The following CACNA1E variants were observed in gnomAD, a reference collection of about 807,000 sequenced individuals.
The protein encoded by CACNA1E is calcium voltage-gated channel subunit alpha1 E, also known as voltage-dependent R-type calcium channel subunit alpha-1E.
CACNA1E carries 40 observed loss-of-function variants against 259.2 expected under a neutral mutation model. The ratio of observed to expected loss-of-function variants is 0.15; its 90% CI spans 0.12 to 0.20. The LOEUF is 0.20. Ranked by LOEUF, CACNA1E falls within the 10% of genes least tolerant of loss-of-function variation. The probability of loss-of-function intolerance (pLI) is 1.00; values close to 1 mark genes in which losing one functional copy is unlikely to be tolerated. For missense variants in CACNA1E, 1,874 were observed against 3,040.1 expected (o/e 0.62, Z 9.02); for synonymous variants, 1,104 against 1,138.5 (o/e 0.97, Z 0.61).
chr1:181,430,901 C>G (rs184947696), intron 2 of CACNA1E, among the ~76,000 whole-genome samples: 4 of 152,298 alleles, frequency 2.6e-5, no homozygotes, highest in Admixed American at 6.5e-5. Flanking sequence ...ACATAAGTTA[C>G]TTAGCCTTCC....
intron 6 of CACNA1E, among the ~76,000 whole-genome samples, chr1:181,601,593 G>C (rs780578934): frequency 6.6e-6 from 1 of 152,146 alleles, no homozygotes; most frequent in Non-Finnish European, 1.5e-5. Context: ...CTCATCAGTA[G>C]CTCCTTTGGC....
chr1:181,686,303 T>C (rs1481721685), intron 7 of CACNA1E, among the ~76,000 whole-genome samples: 2 of 93,106 alleles, frequency 2.1e-5, no homozygotes, highest in African/African-American at 3.8e-5. Flanking sequence ...TTTTTTTTTT[T>C]GAGATGGAGT....
At chr1:181,536,257 T>A (rs971635772) in intron 3 of CACNA1E, among the ~76,000 whole-genome samples, 1 of 152,202 alleles carries the variant, frequency 6.6e-6, no homozygotes, top group Admixed American at 6.5e-5. Context: ...TTTGTAGCAC[T>A]TGTTTTAAAT....
chr1:181,591,739 AACTT>A (rs1652672344), intron 6 of CACNA1E, among the ~76,000 whole-genome samples: 1 of 152,300 alleles, frequency 6.6e-6, no homozygotes, highest in Non-Finnish European at 1.5e-5. Flanking sequence ...TGACTTTGGC[AACTT>A]ACTTAATCTC....
intron 1 of CACNA1E, among the ~76,000 whole-genome samples, chr1:181,338,800 T>C (rs76190135): frequency 0.12 from 17,999 of 152,214 alleles, 1,124 homozygotes; most frequent in South Asian, 0.17. Context: ...TCAGGTCTTA[T>C]GTTTTGGTCT....
Position 181,375,746 on chromosome 1 carries a change from C to T in CACNA1E, c.-14-37387C>T, listed in dbSNP as rs142891576. Among the ~76,000 whole-genome samples, 12 of 152,268 alleles carry T rather than the reference C, an allele frequency of 7.9e-5. 1 individual carries two copies. The highest frequency in any genetic ancestry group is 1.9e-4 in the East Asian group (1 of 5,172). ...CAATGGAGCCCCCCTTCCCCTCCTC[C>T]GTGAGGGATTTACTTCTACTCATCC... On this transcript the variant is annotated intron_variant, in intron 1 of 11. Transcript: ENST00000524607.
At chr1:181,457,692 C>T (rs1571915006) in intron 2 of CACNA1E, among the ~76,000 whole-genome samples, 1 of 152,252 alleles carries the variant, frequency 6.6e-6, no homozygotes, top group Non-Finnish European at 1.5e-5. Context: ...AGCCCACTGC[C>T]TGGTGCTGAC....
intron 1 of CACNA1E, among the ~76,000 whole-genome samples, chr1:181,342,184 G>A (rs1652202863): frequency 1.3e-5 from 2 of 152,334 alleles, no homozygotes; most frequent in South Asian, 2.1e-4. Context: ...AGAGGTTGAC[G>A]CAGGCGTGGC....
intron 1 of CACNA1E, among the ~76,000 whole-genome samples, chr1:181,508,205 T>C (rs74130013): frequency 0.074 from 11,289 of 151,616 alleles, 604 homozygotes; most frequent in South Asian, 0.26. Context: ...TATGCAAAAG[T>C]ATTAAAGGCC....
intron 1 of CACNA1E, among the ~76,000 whole-genome samples, chr1:181,328,190 G>T (rs554249056): frequency 3.9e-5 from 6 of 152,158 alleles, no homozygotes; most frequent in Non-Finnish European, 8.8e-5. Flanking sequence ...AGATTTAGTC[G>T]TGGTAAGGGC....
At chr1:181,677,480 G>T (rs959675102) in intron 7 of CACNA1E, among the ~76,000 whole-genome samples, 1 of 152,126 alleles carries the variant, frequency 6.6e-6, no homozygotes, top group Non-Finnish European at 1.5e-5. Flanking sequence ...TAGCACCTTA[G>T]ATATTTATAT....
intron 1 of CACNA1E, among the ~76,000 whole-genome samples, chr1:181,335,181 G>A (rs1327482165): frequency 6.6e-6 from 1 of 151,944 alleles, no homozygotes; most frequent in Non-Finnish European, 1.5e-5. Flanking sequence ...CTCCAGAAAG[G>A]AAGTCAGGAT....
At chr1:181,323,638 A>T (rs1274651582) in intron 1 of CACNA1E, among the ~76,000 whole-genome samples, 1 of 152,122 alleles carries the variant, frequency 6.6e-6, no homozygotes. Context: ...TTTGTTCTTA[A>T]TTTAAAAAGC....
Position 181,513,576 on chromosome 1 carries a change from C to T in CACNA1E, c.512+2066C>T, listed in dbSNP as rs189268379. ...GAAGAAGTACTTCTGGAGGAGTATACGGCTGTTCTGGTGTGGGGTCTGGGA... is the reference window on the plus strand; with the variant it reads ...GAAGAAGTACTTCTGGAGGAGTATATGGCTGTTCTGGTGTGGGGTCTGGGA... On this transcript the variant is annotated intron_variant, in intron 3 of 47. Transcript: ENST00000367573. Among the ~76,000 whole-genome samples the T allele has an allele frequency of 2.7e-4, 41 of 152,228 alleles. No homozygotes were observed. In the East Asian group the frequency reaches 4.8e-3, roughly 18 times the overall value.
At chr1:181,364,296 A>G (rs563317712) in intron 1 of CACNA1E, among the ~76,000 whole-genome samples, 5 of 152,286 alleles carry the variant, frequency 3.3e-5, no homozygotes, top group East Asian at 1.9e-4. Flanking sequence ...GTCAGCAGCC[A>G]TTGTATTTTA....
intron 2 of CACNA1E, among the ~76,000 whole-genome samples, chr1:181,424,245 G>C (rs1658987760): frequency 6.6e-6 from 1 of 152,240 alleles, no homozygotes; most frequent in Non-Finnish European, 1.5e-5. Flanking sequence ...AAGGTGCAGA[G>C]AATCCAGAGA....
chr1:181,689,892 T>C (rs185633033), intron 7 of CACNA1E, among the ~76,000 whole-genome samples: 1 of 152,346 alleles, frequency 6.6e-6, no homozygotes, highest in East Asian at 1.9e-4. Flanking sequence ...GTCAAATGGA[T>C]AGATTGCCAA....
intron 2 of CACNA1E, among the ~76,000 whole-genome samples, chr1:181,452,751 C>G (rs1571906723): frequency 6.6e-6 from 1 of 152,350 alleles, no homozygotes; most frequent in East Asian, 1.9e-4. Flanking sequence ...CATACAAGAT[C>G]TAGCAAAACA....
chr1:181,676,275 A>C (rs1203616554), intron 7 of CACNA1E, among the ~76,000 whole-genome samples: 2 of 152,224 alleles, frequency 1.3e-5, no homozygotes, highest in Non-Finnish European at 2.9e-5. Context: ...ATTTATTATT[A>C]AAAGTGTATT....
Sources: gnomAD v4.1 joint callset for allele counts (sites outside exome capture counted in the v4.1 genomes callset) on GRCh38, gnomAD v4.1.1 for gene constraint, MANE v1.5 for transcripts, NCBI Gene and HGNC (gene_info 2026-07-23, HGNC 2026-07-21) for gene names.